Variants in NBEA observed in about 807,000 individuals in gnomAD.
NBEA encodes the protein neurobeachin, also known as lysosomal-trafficking regulator 2.
A neutral mutation model predicts 343.4 loss-of-function variants in NBEA; 44 were observed. That is an observed-to-expected ratio of 0.13 (90% confidence interval 0.10 to 0.16). The LOEUF is 0.16. Ranked by LOEUF, NBEA falls within the 10% of genes least tolerant of loss-of-function variation. The pLI is 1.00. For synonymous variants in NBEA, 1,175 were observed against 1,238.7 expected (o/e 0.95, Z 1.08); for missense variants, 2,555 against 3,631.3 (o/e 0.70, Z 7.62).
intron 38 of NBEA, among the ~76,000 whole-genome samples, chr13:35,355,632 A>G (rs1187039113): frequency 6.6e-6 from 1 of 152,110 alleles, no homozygotes; most frequent in Non-Finnish European, 1.5e-5. Context: ...ATTAGGCCCT[A>G]CATGGTTTAG....
intron 10 of NBEA, among the ~76,000 whole-genome samples, chr13:35,081,554 A>G (rs1306836811): frequency 4.0e-5 from 6 of 151,672 alleles, no homozygotes; most frequent in Non-Finnish European, 2.9e-5. Context: ...GCTTATCTCC[A>G]TTTTGCAACA....
intron 38 of NBEA, among the ~76,000 whole-genome samples, chr13:35,378,531 GGTAA>G: frequency 6.6e-6 from 1 of 151,912 alleles, no homozygotes; most frequent in East Asian, 1.9e-4. Context: ...TTAGGTCTTG[GGTAA>G]GTGTTATTTT....
chr13:35,591,216 T>G lies in NBEA; in HGVS notation c.7177-2112T>G, dbSNP rs1206497679. On this transcript the variant is annotated intron_variant, in intron 46 of 58. Coordinates refer to ENST00000379939, the MANE Select transcript of NBEA (RefSeq NM_001385012.1). ...ACAGTTACTTAAGGTTAAGTAAGCT[T>G]GCCCAAGATAGAGAAATAGTTCCAC... Among the ~76,000 whole-genome samples the G allele has an allele frequency of 3.3e-5, 5 of 152,214 alleles. No individual in the cohort carries two copies. The East Asian group carries it at 9.6e-4, about 29-fold the overall frequency.
chr13:34,985,298 A>G (rs2060505659), intron 1 of NBEA, among the ~76,000 whole-genome samples: 1 of 150,924 alleles, frequency 6.6e-6, no homozygotes, highest in Non-Finnish European at 1.5e-5. Flanking sequence ...TGAGATAATC[A>G]TGTGGTTTTT....
chr13:35,497,372 A>C (rs1237169606), intron 41 of NBEA, among the ~76,000 whole-genome samples: 1 of 152,126 alleles, frequency 6.6e-6, no homozygotes, highest in Non-Finnish European at 1.5e-5. Context: ...ATTTTCAATA[A>C]GATTTTAATA....
At chr13:34,949,939 A>G (rs1185741936) in intron 1 of NBEA, among the ~76,000 whole-genome samples, 1 of 152,174 alleles carries the variant, frequency 6.6e-6, no homozygotes, top group Non-Finnish European at 1.5e-5. Context: ...AAGTAGTTAT[A>G]TGTATGAAAA....
At chr13:35,588,420 T>A (rs1009076579) in intron 46 of NBEA, among the ~76,000 whole-genome samples, 5 of 150,350 alleles carry the variant, frequency 3.3e-5, no homozygotes, top group African/African-American at 1.2e-4. Context: ...AAAATACACA[T>A]TAAAATAAGT....
chr13:35,552,274 A>G (rs572998626), intron 43 of NBEA, among the ~76,000 whole-genome samples: 1 of 152,308 alleles, frequency 6.6e-6, no homozygotes, highest in South Asian at 2.1e-4. Flanking sequence ...ACAGTGCCTA[A>G]TTGCAGCAGT....
intron 44 of NBEA, among the ~76,000 whole-genome samples, chr13:35,562,175 C>A (rs1331910648): frequency 6.6e-6 from 1 of 151,964 alleles, no homozygotes; most frequent in Non-Finnish European, 1.5e-5. Context: ...AGAAATATGG[C>A]AAAATTTCTT....
intron 33 of NBEA, among the ~76,000 whole-genome samples, 162 bp from the exon 34 acceptor site, chr13:35,232,330 T>C (rs1432389088): frequency 6.6e-6 from 1 of 152,158 alleles, no homozygotes; most frequent in Non-Finnish European, 1.5e-5. Flanking sequence ...TTATGACTGT[T>C]TGTGAAACTG....
intron 41 of NBEA, among the ~76,000 whole-genome samples, chr13:35,537,574 C>T (rs1205842181): frequency 6.6e-6 from 1 of 152,082 alleles, no homozygotes; most frequent in African/African-American, 2.4e-5. Context: ...GTGAAGAGAA[C>T]TTGTCTCATA....
chr13:35,039,830 C>T (rs185449719), intron 1 of NBEA, among the ~76,000 whole-genome samples: 138 of 152,182 alleles, frequency 9.1e-4, no homozygotes, highest in African/African-American at 3.3e-3. Context: ...CCTTTGCTTC[C>T]TCTTTTCTCA....
At chr13:35,087,339 A>C (rs59140583) in intron 10 of NBEA, among the ~76,000 whole-genome samples, 13,510 of 151,872 alleles carry the variant, frequency 0.089, 669 homozygotes, top group South Asian at 0.12. Context: ...AAATGCTTCC[A>C]CTAAAGTTGG....
intron 38 of NBEA, among the ~76,000 whole-genome samples, chr13:35,427,870 A>G (rs1481974032): frequency 6.6e-6 from 1 of 152,134 alleles, no homozygotes. Context: ...CCACCTTGCA[A>G]TTTGATCTCA....
intron 18 of NBEA, among the ~76,000 whole-genome samples, chr13:35,144,926 G>T (rs184418728): frequency 6.6e-6 from 1 of 152,200 alleles, no homozygotes; most frequent in East Asian, 1.9e-4. Context: ...AGCTATTAAA[G>T]GTCGAAGGAA....
intron 8 of NBEA, among the ~76,000 whole-genome samples, chr13:35,064,186 C>G (rs1453482340): frequency 8.3e-6 from 1 of 120,208 alleles, no homozygotes; most frequent in African/African-American, 2.5e-5. Flanking sequence ...AGGTAAAGGA[C>G]TGGATTTAGG....
chr13:35,327,278 A>G (rs1258198450), intron 36 of NBEA, among the ~76,000 whole-genome samples: 1 of 152,116 alleles, frequency 6.6e-6, no homozygotes, highest in East Asian at 1.9e-4. Flanking sequence ...ATTACTGGGT[A>G]TATATCCAAA....
intron 31 of NBEA, among the ~76,000 whole-genome samples, chr13:35,198,005 A>G (rs560573178): frequency 6.6e-6 from 1 of 152,314 alleles, no homozygotes; most frequent in South Asian, 2.1e-4. Context: ...TTGCTATAAT[A>G]GATAAAATGT....
chr13:35,566,004 TA>T (rs2080120621), intron 44 of NBEA, among the ~76,000 whole-genome samples: 2 of 152,216 alleles, frequency 1.3e-5, no homozygotes, highest in Non-Finnish European at 2.9e-5. Flanking sequence ...TCATTCTTGA[TA>T]TAAGTTTAAC....
Sources: gnomAD v4.1 joint callset for allele counts (sites outside exome capture counted in the v4.1 genomes callset) on GRCh38, gnomAD v4.1.1 for gene constraint, MANE v1.5 for transcripts, NCBI Gene and HGNC (gene_info 2026-07-23, HGNC 2026-07-21) for gene names.